DOCK8: variants seen among roughly 807,000 people sequenced by gnomAD.
DOCK8 encodes the protein dedicator of cytokinesis 8, also known as dedicator of cytokinesis protein 8.
A neutral mutation model predicts 245.6 loss-of-function variants in DOCK8; 141 were observed. That is an observed-to-expected ratio of 0.57 (90% CI 0.50 to 0.66). The LOEUF (loss-of-function observed/expected upper bound fraction) is 0.66. Among genes scored for constraint, DOCK8 ranks in the 30% least tolerant of loss-of-function variants. DOCK8 has a pLI of 0.00. For missense variants in DOCK8, 2,965 were observed against 2,603.4 expected, an observed-to-expected ratio of 1.14 and a Z score of -3.02; for synonymous variants, 1,168 against 970.2, an observed-to-expected ratio of 1.20 and a Z score of -3.79.
chr9:384,553 A>C (rs1050242296), intron 22 of DOCK8, among the ~76,000 whole-genome samples: 1 of 152,214 alleles, frequency 6.6e-6, no homozygotes, highest in Non-Finnish European at 1.5e-5. Context: ...GCTGGGCCTC[A>C]TGTCCTCATC....
chr9:316,024 G>A (rs570463692), intron 6 of DOCK8, among the ~76,000 whole-genome samples: 31 of 152,300 alleles, frequency 2.0e-4, no homozygotes, highest in African/African-American at 5.8e-4. Context: ...GCCAACCGCC[G>A]TAACCACAAG....
At chr9:244,688 A>T (rs139579964) in intron 1 of DOCK8, among the ~76,000 whole-genome samples, 2 of 152,210 alleles carry the variant, frequency 1.3e-5, no homozygotes, top group African/African-American at 2.4e-5. Flanking sequence ...GGCCAAACCT[A>T]TTCAGGTCTG....
intron 38 of DOCK8, 58 bp downstream of exon 38, chr9:434,033 T>A: frequency 8.1e-7 from 1 of 1,236,476 alleles, no homozygotes; most frequent in South Asian, 1.2e-5. Flanking sequence ...TTTGTCACTG[T>A]GGAGTTCTTA....
rs559332505 is a variant in DOCK8, at chr9:439,539, A to G, written c.5223+151A>G. ...GGGGCAGGGGATGGGCCCGGGGAGG[A>G]CTTTGATGTATGCAAATTGCATGAG... On this transcript the variant is annotated intron_variant, in intron 40 of 47. Coordinates refer to ENST00000432829, the MANE Select transcript of DOCK8 (RefSeq NM_203447.4). 10 of 978,810 alleles carry G rather than the reference A, an allele frequency of 1.0e-5. No homozygotes were observed. In the East Asian group the frequency reaches 1.3e-4, roughly 13 times the overall value. 60.6% of individuals were successfully genotyped at this position (978,810 alleles called of 1,614,324 possible). A position where few individuals can be genotyped will look rare whatever the true frequency, so the allele number is the denominator to read the frequency against.
chr9:351,863 A>G (rs2052186380), intron 14 of DOCK8, among the ~76,000 whole-genome samples: 1 of 152,226 alleles, frequency 6.6e-6, no homozygotes, highest in African/African-American at 2.4e-5. Flanking sequence ...CACTGTATCC[A>G]GTGTTTGCAA....
In DOCK8 at chr9:383,887, A is replaced by C. The variant is rs1222921252; in HGVS notation, c.2778+1202A>C. Among the ~76,000 whole-genome samples the C allele has an allele frequency of 2.0e-5, 3 of 152,160 alleles. No individual in the cohort carries two copies. The East Asian group carries it at 5.8e-4, about 29-fold the overall frequency. The stretch of plus-strand genomic sequence containing the variant: ...TTAGAGTTACGGAATTATATACTCT[A>C]TACCCAGTCTCTCCTTTATTAACAT... On this transcript the variant is annotated intron_variant, in intron 22 of 47. Transcript: ENST00000432829.
At chr9:303,596 A>T (rs1173817942) in intron 4 of DOCK8, among the ~76,000 whole-genome samples, 1 of 152,228 alleles carries the variant, frequency 6.6e-6, no homozygotes, top group African/African-American at 2.4e-5. Context: ...ACATCGGGTA[A>T]ACATGGGCAT....
intron 1 of DOCK8, 107 bp downstream of exon 1, chr9:215,136 C>T (rs779427814): frequency 2.7e-6 from 4 of 1,464,454 alleles, no homozygotes; most frequent in Admixed American, 2.6e-5. Flanking sequence ...TTCGCGTCCG[C>T]GGCGGGGCGC....
At chr9:361,540 C>T (rs993564865) in intron 14 of DOCK8, among the ~76,000 whole-genome samples, 2 of 152,212 alleles carry the variant, frequency 1.3e-5, no homozygotes, top group Non-Finnish European at 2.9e-5. Flanking sequence ...GTTCACCTTA[C>T]ATTTGTAGAG....
chr9:215,011 T>A lies in DOCK8; in HGVS notation c.35T>A (p.Phe12Tyr). The change falls in exon 1 of 48, where the codon TTC becomes TAC. Residue 12 changes from phenylalanine (F) to tyrosine (Y), a missense_variant. Phe to Tyr is a conservative substitution (Grantham distance 22, BLOSUM62 3). Transcript: ENST00000432829. Reference protein sequence around the residue: ...ATLPSAERRAFALKINRYSSA... With the variant: ...ATLPSAERRAYALKINRYSSA... ...CTGCCGAGCGCAGAGCGCCGCGCGT[T>A]CGCGCTCAAGATCAACAGGTAAGAC... 6.3e-7 allele frequency: 1 copy of A among 1,593,012 alleles called. No homozygotes were observed. Among genetic ancestry groups the A allele is most frequent in the Non-Finnish European group, 8.5e-7 (1 of 1,174,858 alleles).
intron 22 of DOCK8, among the ~76,000 whole-genome samples, chr9:385,412 A>G (rs2053911131): frequency 6.6e-6 from 1 of 152,264 alleles, no homozygotes; most frequent in Non-Finnish European, 1.5e-5. Context: ...TGTAAATCTA[A>G]TAATAACTAT....
In DOCK8 at chr9:214,938, A is replaced by C. The variant is rs757902443; in HGVS notation, c.-39A>C. On this transcript the variant is annotated 5_prime_UTR_variant, in exon 1 of 48. Coordinates refer to ENST00000432829, the MANE Select transcript of DOCK8 (RefSeq NM_203447.4). ...GGCGCGCCAGGCCCCCGCTTTCCGC[A>C]CCCCGCGACCCTAGAAGCCACCGAA... 6.2e-7 allele frequency: 1 copy of C among 1,603,146 alleles called. No homozygotes were observed. The highest frequency in any genetic ancestry group is 8.5e-7 in the Non-Finnish European group (1 of 1,176,748).
chr9:406,598 G>C (rs574492292), intron 27 of DOCK8, among the ~76,000 whole-genome samples: 4 of 152,152 alleles, frequency 2.6e-5, no homozygotes, highest in Admixed American at 6.5e-5. Flanking sequence ...ACTGGGTGAG[G>C]TTCTTATTTC....
At chr9:215,488 T>G in intron 1 of DOCK8, 1 of 1,464,234 alleles carries the variant, frequency 6.8e-7, no homozygotes, top group East Asian at 2.6e-5. Context: ...GCTGCAAGCC[T>G]TCTGTCGTCC....
intron 7 of DOCK8, among the ~76,000 whole-genome samples, chr9:319,028 G>T (rs781483006): frequency 1.0e-3 from 156 of 152,334 alleles, no homozygotes; most frequent in Middle Eastern, 6.8e-3. Context: ...CAAGTGTGGT[G>T]ACTCACACCT....
At chr9:300,248 C>T (rs2049472937) in intron 4 of DOCK8, among the ~76,000 whole-genome samples, 1 of 152,104 alleles carries the variant, frequency 6.6e-6, no homozygotes, top group South Asian at 2.1e-4. Flanking sequence ...GGTCAAATAC[C>T]TGCTCTCTGT....
At chr9:393,954 C>T (rs2054321596) in intron 24 of DOCK8, among the ~76,000 whole-genome samples, 1 of 152,154 alleles carries the variant, frequency 6.6e-6, no homozygotes, top group Admixed American at 6.5e-5. Flanking sequence ...TCTATGCTAG[C>T]TCTAAAGAAT....
intron 1 of DOCK8, among the ~76,000 whole-genome samples, chr9:254,799 C>T (rs566277076): frequency 3.2e-4 from 48 of 152,092 alleles, no homozygotes; most frequent in Non-Finnish European, 5.4e-4. Flanking sequence ...TCCATTGGCT[C>T]GAAGTTCACA....
intron 33 of DOCK8, among the ~76,000 whole-genome samples, chr9:423,655 T>C (rs1215715140): frequency 1.3e-5 from 2 of 152,180 alleles, no homozygotes; most frequent in Non-Finnish European, 1.5e-5. Flanking sequence ...GGAAACCCAG[T>C]TGTTGGTATC....
Sources: allele counts gnomAD v4.1 joint callset (sites outside exome capture counted in the v4.1 genomes callset), GRCh38; gene constraint gnomAD v4.1.1; transcripts MANE v1.5; gene names NCBI Gene and HGNC (gene_info 2026-07-23, HGNC 2026-07-21).